Variants in SLC12A2 observed in about 807,000 individuals in gnomAD.
SLC12A2 encodes solute carrier family 12 member 2, also known as Na-K-2Cl cotransporter 1.
SLC12A2 carries 67 observed loss-of-function variants against 136.3 expected under a neutral mutation model. That is an observed-to-expected ratio of 0.49 (90% CI 0.40 to 0.60). The LOEUF (loss-of-function observed/expected upper bound fraction) is 0.60. Ranked by LOEUF, SLC12A2 falls within the 20% of genes least tolerant of loss-of-function variation. The probability of loss-of-function intolerance (pLI) is 0.00; values close to 1 mark genes in which losing one functional copy is unlikely to be tolerated. For synonymous variants in SLC12A2, 619 were observed against 562.9 expected (o/e 1.10, Z -1.41); for missense variants, 1,322 against 1,534.7 (o/e 0.86, Z 2.32).
intron 7 of SLC12A2, among the ~76,000 whole-genome samples, chr5:128,136,339 AC>A (rs1437530212): frequency 6.6e-6 from 1 of 152,110 alleles, no homozygotes; most frequent in African/African-American, 2.4e-5. Context: ...TCAGTCCAGC[AC>A]ATTTGGAGGG....
chr5:128,158,157 T>A lies in SLC12A2; in HGVS notation c.2468T>A (p.Val823Glu). Residue 823 changes from valine (V) to glutamate (E), a missense_variant, in exon 16 of 27, where the codon GTA becomes GAA. Physicochemically the swap from Val to Glu is moderately radical, Grantham distance 121. Transcript: ENST00000262461. ...KNVGLMICGH[V>E]HMGPRRQAMK... The stretch of plus-strand genomic sequence containing the variant: ...GTTGGTTTGATGATCTGTGGCCATG[T>A]ACATATGGTAAGTATCAATTTTGTT... 1 of 1,601,304 alleles carries A rather than the reference T, an allele frequency of 6.2e-7. No homozygotes were observed. The highest frequency in any genetic ancestry group is 8.5e-7 in the Non-Finnish European group (1 of 1,175,184).
At chr5:128,185,729 A>T (rs1380731743) in intron 26 of SLC12A2, among the ~76,000 whole-genome samples, 2 of 152,144 alleles carry the variant, frequency 1.3e-5, no homozygotes, top group African/African-American at 4.8e-5. Context: ...TAGTAAACAT[A>T]CCTTTCACCT....
intron 9 of SLC12A2, among the ~76,000 whole-genome samples, chr5:128,139,847 A>G (rs533350007): frequency 6.6e-6 from 1 of 152,340 alleles, no homozygotes; most frequent in East Asian, 1.9e-4. Context: ...CATTTTTGCT[A>G]TATATTCACT....
intron 1 of SLC12A2, among the ~76,000 whole-genome samples, chr5:128,096,835 C>T (rs1760557551): frequency 6.6e-6 from 1 of 151,982 alleles, no homozygotes; most frequent in African/African-American, 2.4e-5. Flanking sequence ...AATAGGCATT[C>T]ATAATAAACG....
chr5:128,115,479 C>T (rs1285339631), intron 4 of SLC12A2, among the ~76,000 whole-genome samples: 1 of 152,104 alleles, frequency 6.6e-6, no homozygotes. Flanking sequence ...ACTATGAGGC[C>T]TCTCATTAGA....
intron 13 of SLC12A2, 100 bp from the exon 14 acceptor site, chr5:128,151,141 G>A: frequency 9.9e-7 from 1 of 1,006,146 alleles, no homozygotes; most frequent in Non-Finnish European, 1.4e-6. Context: ...AGTCCTCTCA[G>A]TGTGGCAACC....
Position 128,134,203 on chromosome 5 carries a change from C to G in SLC12A2, c.1227C>G (p.Ile409Met). The G allele has an allele frequency of 6.2e-7, 1 of 1,604,230 alleles. No homozygotes were observed. The highest frequency in any genetic ancestry group is 1.3e-5 in the African/African-American group (1 of 74,732). The change falls in exon 6 of 27, where the codon ATC becomes ATG. Residue 409 changes from isoleucine (I) to methionine (M), a missense_variant. Ile to Met is a conservative substitution (Grantham distance 10, BLOSUM62 1). Coordinates refer to ENST00000262461, the MANE Select transcript of SLC12A2 (RefSeq NM_001046.3). ...SILMIDEIND[I>M]RIIGAITVVI... ...TTATGATAGATGAAATCAATGATAT[C>G]CGAATTATTGGAGCCATTACAGTCG...
chr5:128,098,613 C>T (rs557876154), intron 1 of SLC12A2, among the ~76,000 whole-genome samples: 1 of 151,228 alleles, frequency 6.6e-6, no homozygotes, highest in South Asian at 2.1e-4. Flanking sequence ...TAAAAATATT[C>T]TTCTGAAAAT....
At chr5:128,119,225 G>A (rs1206316266) in intron 4 of SLC12A2, among the ~76,000 whole-genome samples, 8 of 152,134 alleles carry the variant, frequency 5.3e-5, no homozygotes, top group Admixed American at 3.9e-4. Flanking sequence ...AATGCTGTGG[G>A]AAGAGTGATG....
chr5:128,170,959 G>A (rs1581133401), intron 18 of SLC12A2: 1 of 152,292 alleles, frequency 6.6e-6, no homozygotes, highest in East Asian at 1.9e-4. Context: ...AGCCAGGCGT[G>A]CTGGTGTGTG....
At chr5:128,113,011 C>A in intron 2 of SLC12A2, 78 bp downstream of exon 2, 1 of 1,249,528 alleles carries the variant, frequency 8.0e-7, no homozygotes, top group South Asian at 2.0e-5. Context: ...CTCATCAGTT[C>A]TCAAGAGAAC....
At chr5:128,127,548 A>G (rs1331984411) in intron 4 of SLC12A2, among the ~76,000 whole-genome samples, 1 of 151,268 alleles carries the variant, frequency 6.6e-6, no homozygotes, top group African/African-American at 2.4e-5. Flanking sequence ...CTTCCTCACC[A>G]GTGAAGCCAT....
At chr5:128,184,934 A>T in intron 26 of SLC12A2, 78 bp downstream of exon 26, 1 of 1,256,080 alleles carries the variant, frequency 8.0e-7, no homozygotes, top group African/African-American at 1.5e-5. Context: ...CCAAGTACAT[A>T]TCTATATAAC....
chr5:128,143,726 T>C (rs1025217806), intron 10 of SLC12A2, among the ~76,000 whole-genome samples: 1 of 151,928 alleles, frequency 6.6e-6, no homozygotes, highest in Non-Finnish European at 1.5e-5. Context: ...ATGGTTCTGC[T>C]GATTTCAAAA....
intron 20 of SLC12A2, 54 bp downstream of exon 20, chr5:128,174,720 G>T: frequency 7.4e-7 from 1 of 1,343,238 alleles, no homozygotes; most frequent in Non-Finnish European, 1.0e-6. Flanking sequence ...TAATTTGGGA[G>T]AAATATTTTT....
chr5:128,149,140 A>C (rs1367160435), intron 12 of SLC12A2, among the ~76,000 whole-genome samples: 1 of 151,754 alleles, frequency 6.6e-6, no homozygotes, highest in Non-Finnish European at 1.5e-5. Flanking sequence ...AAAGGATTCT[A>C]GTGTCCCCTG....
chr5:128,144,234 A>G (rs1762458262), intron 10 of SLC12A2, among the ~76,000 whole-genome samples: 1 of 152,168 alleles, frequency 6.6e-6, no homozygotes, highest in South Asian at 2.1e-4. Flanking sequence ...TCGAGCAAAG[A>G]GGAATTTGGT....
intron 4 of SLC12A2, among the ~76,000 whole-genome samples, chr5:128,120,678 G>T (rs1761530790): frequency 6.6e-6 from 1 of 151,670 alleles, no homozygotes; most frequent in South Asian, 2.1e-4. Context: ...ATGGACACAG[G>T]AAGGGGAACA....
chr5:128,151,205 G>T (rs1443832777), intron 13 of SLC12A2, 36 bp from the exon 14 acceptor site: 5 of 1,575,428 alleles, frequency 3.2e-6, no homozygotes, highest in Non-Finnish European at 4.3e-6. Context: ...AGCAGATGAG[G>T]TATTTGTGTG....
Sources: gnomAD v4.1 joint callset for allele counts (sites outside exome capture counted in the v4.1 genomes callset) on GRCh38, gnomAD v4.1.1 for gene constraint, MANE v1.5 for transcripts, NCBI Gene and HGNC (gene_info 2026-07-23, HGNC 2026-07-21) for gene names.